MTPAP: variants seen among roughly 807,000 people sequenced by gnomAD.
MTPAP encodes the protein poly(A) RNA polymerase, mitochondrial.
Under a neutral mutation model 48.7 loss-of-function variants are expected in MTPAP, and 23 were observed. The observed-to-expected ratio is 0.47, with a 90% CI of 0.34 to 0.67. The LOEUF is 0.67. Ranked by LOEUF, MTPAP falls within the 30% of genes least tolerant of loss-of-function variation. MTPAP has a pLI of 0.01. For missense variants in MTPAP, 614 were observed against 694.3 expected, an observed-to-expected ratio of 0.88 and a Z score of 1.30; for synonymous variants, 257 against 254.1, an observed-to-expected ratio of 1.01 and a Z score of -0.11.
chr10:30,324,858 C>T (rs1330726698), intron 5 of MTPAP, among the ~76,000 whole-genome samples: 1 of 151,948 alleles, frequency 6.6e-6, no homozygotes, highest in Non-Finnish European at 1.5e-5. Flanking sequence ...CCAGCATGAT[C>T]ACATGTGCCT....
At position 30,326,515 on chromosome 10, in the gene MTPAP, C is replaced by A; in HGVS notation, c.901G>T (p.Gly301Cys). ...CLDHFGPGCV[G>C]VQKILNARCP... is the part of the protein sequence containing the mutation. ...CGGGCATTTAATATTTTTTGCACACCCACACAGCCAGGGCCAAAGTGGTCA... is the reference window on the plus strand; with the variant it reads ...CGGGCATTTAATATTTTTTGCACACACACACAGCCAGGGCCAAAGTGGTCA... The change falls in exon 5 of 9, where the codon GGT becomes TGT. Residue 301 changes from glycine to cysteine, a missense_variant. This residue lies in a region of MTPAP where 261 missense variants were observed against 355.4 expected (regional missense o/e 0.73). Coordinates refer to ENST00000263063, the MANE Select transcript of MTPAP (RefSeq NM_018109.4). 2 of 1,614,056 alleles carry A rather than the reference C, an allele frequency of 1.2e-6. No homozygotes were observed. The highest frequency in any genetic ancestry group is 1.7e-6 in the Non-Finnish European group (2 of 1,180,018).
intron 1 of MTPAP, among the ~76,000 whole-genome samples, chr10:30,344,140 T>C (rs767585783): frequency 2.6e-5 from 4 of 152,276 alleles, no homozygotes; most frequent in South Asian, 4.1e-4. Flanking sequence ...CTCAACTCCA[T>C]AGCATGGGTA....
In MTPAP at chr10:30,313,812, G is replaced by C. The variant is rs773094167; in HGVS notation, c.1546C>G (p.Arg516Gly). 6.2e-7 allele frequency: 1 copy of C among 1,614,138 alleles called. No individual in the cohort carries two copies. ...AWILQQEDTD[R>G]PSISSNRPWG... The stretch of plus-strand genomic sequence containing the variant: ...GGCCGATTACTTGATATGGAAGGTC[G>C]ATCTGTATCTTCCTGTTGTAAAATC... Residue 516 changes from arginine (R) to glycine (G), a missense_variant, in exon 9 of 9, where the codon CGA becomes GGA. Arg to Gly is a moderately radical substitution (Grantham distance 125). Transcript: ENST00000263063.
chr10:30,337,378 C>T (rs538751996), intron 3 of MTPAP, among the ~76,000 whole-genome samples: 2 of 152,106 alleles, frequency 1.3e-5, no homozygotes, highest in East Asian at 1.9e-4. Flanking sequence ...GAGCCAAGAT[C>T]GCACCATTGC....
In MTPAP at chr10:30,319,175, A is replaced by G. The variant is rs527487495; in HGVS notation, c.1220-2965T>C. 2.0e-5 allele frequency among the ~76,000 whole-genome samples: 3 copies of G among 152,338 alleles called. No individual in the cohort carries two copies. In the East Asian group the frequency reaches 5.8e-4, roughly 29 times the overall value. ...AGTTCAAGAGTGGCTAAAGCTCCCA[A>G]CTGGTATACAGGAATCAACGTAAAA... On this transcript the variant is annotated intron_variant, in intron 6 of 8. Coordinates refer to ENST00000263063, the MANE Select transcript of MTPAP (RefSeq NM_018109.4).
chr10:30,316,855 T>C (rs1301074064), intron 6 of MTPAP, among the ~76,000 whole-genome samples: 1 of 151,818 alleles, frequency 6.6e-6, no homozygotes, highest in African/African-American at 2.4e-5. Context: ...ACATCACTGT[T>C]GCCTGGGCAA....
At chr10:30,349,024 G>A in intron 1 of MTPAP, 95 bp downstream of exon 1, 1 of 1,573,336 alleles carries the variant, frequency 6.4e-7, no homozygotes, top group Non-Finnish European at 8.7e-7. Context: ...TTGCCAAAGG[G>A]TCCACAGCCG....
chr10:30,318,318 C>T (rs1192830209), intron 6 of MTPAP, among the ~76,000 whole-genome samples: 1 of 152,156 alleles, frequency 6.6e-6, no homozygotes, highest in Non-Finnish European at 1.5e-5. Flanking sequence ...TTTAATAGCA[C>T]ATTTTACGTG....
rs2689215 is a variant in MTPAP, at chr10:30,340,153, C to T, written c.555+73G>A. The T allele has an allele frequency of 0.99, 1,225,032 of 1,238,884 alleles. 606,387 individuals carry two copies. Among genetic ancestry groups the T allele is most frequent in the Non-Finnish European group, 1 (856,354 of 857,338 alleles). The allele number at this position is 1,238,884 out of a possible 1,614,324, so 76.7% of individuals were successfully genotyped here. On this transcript the variant is annotated intron_variant, in intron 3 of 8. Coordinates refer to ENST00000263063, the MANE Select transcript of MTPAP (RefSeq NM_018109.4). Reference sequence around the variant, plus strand: ...CCATTAAACAATAATGTAGCTTGAACATTTTACAGGAATCTTTATTGTTCA... The same window carrying T: ...CCATTAAACAATAATGTAGCTTGAATATTTTACAGGAATCTTTATTGTTCA...
intron 2 of MTPAP, among the ~76,000 whole-genome samples, chr10:30,341,040 C>T (rs1268458017): frequency 1.3e-5 from 2 of 152,054 alleles, no homozygotes; most frequent in Non-Finnish European, 2.9e-5. Context: ...GGCCTTCATC[C>T]GCAAGTTAAA....
At chr10:30,338,056 G>A (rs975722892) in intron 3 of MTPAP, among the ~76,000 whole-genome samples, 2 of 151,580 alleles carry the variant, frequency 1.3e-5, no homozygotes, top group Admixed American at 6.6e-5. Context: ...GCTCAGGAGT[G>A]AGACCAGCCT....
In MTPAP at chr10:30,313,502, CA is replaced by C; in HGVS notation, c.*106del. ...CCAATGAGAAGATCATGAAAAGTGACATCAGATGAAAGCTGAGATCTGTGAA... is the reference window on the plus strand; with the variant it reads ...CCAATGAGAAGATCATGAAAAGTGACTCAGATGAAAGCTGAGATCTGTGAA... On this transcript the variant is annotated 3_prime_UTR_variant, in exon 9 of 9. Transcript: ENST00000263063. 5 of 1,449,290 alleles carry C rather than the reference CA, an allele frequency of 3.4e-6. No homozygotes were observed. Among genetic ancestry groups the C allele is most frequent in the Middle Eastern group, 3.5e-4 (2 of 5,762 alleles). The allele number at this position is 1,449,290 out of a possible 1,614,324, so 89.8% of individuals were successfully genotyped here. A position where few individuals can be genotyped will look rare whatever the true frequency, so the allele number is the denominator to read the frequency against.
intron 3 of MTPAP, among the ~76,000 whole-genome samples, chr10:30,338,060 C>A (rs922495054): frequency 6.6e-6 from 1 of 151,694 alleles, no homozygotes; most frequent in South Asian, 2.1e-4. Context: ...AGGAGTGAGA[C>A]CAGCCTGGGC....
intron 4 of MTPAP, 100 bp from the exon 5 acceptor site, chr10:30,326,735 A>G: frequency 1.1e-6 from 1 of 877,432 alleles, no homozygotes; most frequent in Non-Finnish European, 1.8e-6. Flanking sequence ...GCTGGAAAGC[A>G]AAACAAAATA....
chr10:30,346,454 G>T (rs961926926), intron 1 of MTPAP, among the ~76,000 whole-genome samples: 5 of 152,090 alleles, frequency 3.3e-5, no homozygotes, highest in Non-Finnish European at 5.9e-5. Context: ...AAAAAAAACT[G>T]TAAGAATCTG....
At chr10:30,315,710 T>C (rs983681840) in intron 8 of MTPAP, among the ~76,000 whole-genome samples, 5 of 152,162 alleles carry the variant, frequency 3.3e-5, no homozygotes, top group Non-Finnish European at 5.9e-5. Flanking sequence ...AGTATTACAC[T>C]AAGTGAGGAC....
chr10:30,326,147 AG>A (rs1320911163), intron 5 of MTPAP, among the ~76,000 whole-genome samples: 1 of 152,194 alleles, frequency 6.6e-6, no homozygotes, highest in Non-Finnish European at 1.5e-5. Context: ...ACACACTACC[AG>A]GCTGCACAAG....
intron 3 of MTPAP, chr10:30,339,936 A>G (rs956245525): frequency 9.2e-6 from 4 of 432,640 alleles, no homozygotes; most frequent in African/African-American, 6.0e-5. Context: ...AACCATATAC[A>G]ATCTCAAGAC....
intron 3 of MTPAP, 80 bp from the exon 4 acceptor site, chr10:30,337,107 T>G: frequency 8.1e-7 from 1 of 1,232,322 alleles, no homozygotes; most frequent in Non-Finnish European, 1.2e-6. Context: ...TTTCAAAGAT[T>G]TGGTGGCGTT....
Sources: allele counts gnomAD v4.1 joint callset (sites outside exome capture counted in the v4.1 genomes callset), GRCh38; gene constraint gnomAD v4.1.1; regional missense constraint gnomAD v4.1.1; transcripts MANE v1.5; gene names NCBI Gene and HGNC (gene_info 2026-07-23, HGNC 2026-07-21).